Variants in KCNQ1 observed in about 807,000 individuals in gnomAD.
KCNQ1 encodes potassium voltage-gated channel subfamily KQT member 1.
Under a neutral mutation model 72.4 loss-of-function variants are expected in KCNQ1, and 49 were observed. That is an observed-to-expected ratio of 0.68 (90% CI 0.54 to 0.86). The LOEUF (loss-of-function observed/expected upper bound fraction) is 0.86. Ranked by LOEUF, KCNQ1 falls within the 40% of genes least tolerant of loss-of-function variation. The pLI is 0.00. For missense variants in KCNQ1, 790 were observed against 945.1 expected, an observed-to-expected ratio of 0.84 and a Z score of 2.15; for synonymous variants, 450 against 412.6, an observed-to-expected ratio of 1.09 and a Z score of -1.10.
chr11:2,737,178 G>A (rs571308891), intron 11 of KCNQ1, among the ~76,000 whole-genome samples: 2 of 152,218 alleles, frequency 1.3e-5, no homozygotes, highest in South Asian at 2.1e-4. Context: ...AATTCTGGGG[G>A]GAGTGTATTC....
chr11:2,823,151 C>T (rs1847772302), intron 15 of KCNQ1, among the ~76,000 whole-genome samples: 1 of 152,066 alleles, frequency 6.6e-6, no homozygotes, highest in Non-Finnish European at 1.5e-5. Flanking sequence ...TGTCATCATG[C>T]CCTTCAGGAA....
intron 11 of KCNQ1, chr11:2,694,242 GC>G (rs1850635863): frequency 7.5e-6 from 3 of 398,596 alleles, no homozygotes; most frequent in Non-Finnish European, 1.3e-5. Flanking sequence ...CAGGATGCAA[GC>G]CAGGGCCTGC....
At chr11:2,590,730 A>C (rs1848660619) in intron 10 of KCNQ1, among the ~76,000 whole-genome samples, 1 of 151,772 alleles carries the variant, frequency 6.6e-6, no homozygotes, top group Non-Finnish European at 1.5e-5. Context: ...AGGAGGCTTG[A>C]CCCCACCCTG....
chr11:2,733,200 TCCCACC>T (rs1329529196), intron 11 of KCNQ1, among the ~76,000 whole-genome samples: 1 of 92,226 alleles, frequency 1.1e-5, no homozygotes, highest in Non-Finnish European at 2.2e-5. Flanking sequence ...TGAGATCCAC[TCCCACC>T]CCCACCCCCA....
intron 14 of KCNQ1, among the ~76,000 whole-genome samples, chr11:2,777,348 G>T (rs1846726415): frequency 6.6e-6 from 1 of 151,966 alleles, no homozygotes; most frequent in South Asian, 2.1e-4. Flanking sequence ...TGATCCTGGG[G>T]TGGGGTTTGG....
intron 15 of KCNQ1, among the ~76,000 whole-genome samples, chr11:2,780,978 T>G (rs1846813278): frequency 6.6e-6 from 1 of 152,066 alleles, no homozygotes; most frequent in African/African-American, 2.4e-5. Context: ...CCTGGTGGCT[T>G]AGGTTCTGCC....
intron 2 of KCNQ1, among the ~76,000 whole-genome samples, chr11:2,552,776 C>G (rs1050138369): frequency 1.3e-5 from 2 of 152,022 alleles, no homozygotes; most frequent in African/African-American, 4.8e-5. Context: ...CCCAGTGCCT[C>G]ATGCACGTCT....
In KCNQ1 at chr11:2,783,356, T is replaced by A. The variant is rs1846856595; in HGVS notation, c.1794+5319T>A. ...CTTTAGAATGTTTTGAAATATGATT[T>A]ACGGCAAAAATGTGGTCAATTTTTG... is the stretch of plus-strand genomic sequence containing the variant. On this transcript the variant is annotated intron_variant, in intron 15 of 15. Coordinates refer to ENST00000155840, the MANE Select transcript of KCNQ1 (RefSeq NM_000218.3). This position sits in a 1 kb window ranked among gnomAD's most constrained non-coding sequence, Gnocchi z 5.2. Among the ~76,000 whole-genome samples, 1 of 152,132 alleles carries A rather than the reference T, an allele frequency of 6.6e-6. No individual in the cohort carries two copies. The highest frequency in any genetic ancestry group is 2.1e-4 in the South Asian group (1 of 4,828).
At chr11:2,793,465 AAAT>A (rs1349070517) in intron 15 of KCNQ1, among the ~76,000 whole-genome samples, 4 of 106,100 alleles carry the variant, frequency 3.8e-5, no homozygotes, top group African/African-American at 1.2e-4. Context: ...ATGAAAATAA[AAAT>A]AAAAAATTAG....
At chr11:2,788,494 C>T (rs1400731503) in intron 15 of KCNQ1, among the ~76,000 whole-genome samples, 1 of 152,228 alleles carries the variant, frequency 6.6e-6, no homozygotes, top group Middle Eastern at 3.4e-3. Flanking sequence ...GCCTGGACTG[C>T]CCTGGCAGCC....
In KCNQ1 at chr11:2,727,482, C is replaced by G. The variant is rs533459094; in HGVS notation, c.1515-41362C>G. On this transcript the variant is annotated intron_variant, in intron 11 of 15. Coordinates refer to ENST00000155840, the MANE Select transcript of KCNQ1 (RefSeq NM_000218.3). ...CCTGGGGGAAATCCTACCCCAGACT[C>G]GAGGAATAAAGAGGAGGAGGAGGTT... Among the ~76,000 whole-genome samples the G allele has an allele frequency of 3.0e-3, 450 of 152,214 alleles. 3 individuals are homozygous for G. The highest frequency in any genetic ancestry group is 0.01 in the African/African-American group (434 of 41,532).
intron 11 of KCNQ1, among the ~76,000 whole-genome samples, chr11:2,739,866 T>C (rs1467640058): frequency 1.3e-5 from 2 of 152,194 alleles, no homozygotes; most frequent in African/African-American, 4.8e-5. Flanking sequence ...AGCAGTGTCC[T>C]AAGGGAGGCC....
In KCNQ1 at chr11:2,478,453, A is replaced by C. The variant is rs1846605590; in HGVS notation, c.386+32969A>C. ...GGCCTCACAATCACAGCAGAAGATGAAGGAAGAACAAAGGAACATCTTACA... is the reference window on the plus strand; with the variant it reads ...GGCCTCACAATCACAGCAGAAGATGCAGGAAGAACAAAGGAACATCTTACA... On this transcript the variant is annotated intron_variant, in intron 1 of 15. Coordinates refer to ENST00000155840, the MANE Select transcript of KCNQ1 (RefSeq NM_000218.3). This position sits in a 1 kb window ranked among gnomAD's most constrained non-coding sequence, Gnocchi z 4.0. 6.6e-6 allele frequency among the ~76,000 whole-genome samples: 1 copy of C among 152,154 alleles called. No individual in the cohort carries two copies. Among genetic ancestry groups the C allele is most frequent in the Admixed American group, 6.5e-5 (1 of 15,274 alleles).
chr11:2,814,264 AGGATGGATGGATGGTGGGATGGAT>A (rs1432872745), intron 15 of KCNQ1, among the ~76,000 whole-genome samples: 72 of 150,434 alleles, frequency 4.8e-4, no homozygotes, highest in African/African-American at 1.7e-3. Context: ...GGCTGAATAA[AGGATGGATGGATGGTGGGATGGAT>A]GGATGGATGG....
chr11:2,813,646 G>A lies in KCNQ1; in HGVS notation c.1795-34121G>A, dbSNP rs1847539734. 6.6e-6 allele frequency among the ~76,000 whole-genome samples: 1 copy of A among 152,100 alleles called. No individual in the cohort carries two copies. Among genetic ancestry groups the A allele is most frequent in the Non-Finnish European group, 1.5e-5 (1 of 68,026 alleles). On this transcript the variant is annotated intron_variant, in intron 15 of 15. Coordinates refer to ENST00000155840, the MANE Select transcript of KCNQ1 (RefSeq NM_000218.3). The surrounding 1 kb of genome is among the most constrained non-coding windows in gnomAD (Gnocchi z 4.4). The stretch of plus-strand genomic sequence containing the variant: ...AGAGGGGAGGACCAACATCTCGGCT[G>A]ATCCTGGTCTATTTTTAGTCGGTGG...
Position 2,683,644 on chromosome 11 carries a change from G to T in KCNQ1, c.1514+21563G>T. The T allele has an allele frequency of 2.5e-6, 1 of 398,624 alleles. No individual in the cohort carries two copies. Among genetic ancestry groups the T allele is most frequent in the South Asian group, 1.3e-4 (1 of 7,856 alleles). The allele number at this position is 398,624 out of a possible 1,614,324, so 24.7% of individuals were successfully genotyped here. The stretch of plus-strand genomic sequence containing the variant: ...CAACTGGGCCCTGCATCTGCTGCAA[G>T]GAACATCCCTTACTTTCCCATCTCA... On this transcript the variant is annotated intron_variant, in intron 11 of 15. Coordinates refer to ENST00000155840, the MANE Select transcript of KCNQ1 (RefSeq NM_000218.3). The surrounding 1 kb of genome is among the most constrained non-coding windows in gnomAD (Gnocchi z 4.7).
intron 10 of KCNQ1, chr11:2,622,370 C>G: frequency 5.0e-6 from 2 of 398,246 alleles, no homozygotes; most frequent in Non-Finnish European, 8.9e-6. Flanking sequence ...TTACCTCCAG[C>G]TTTCTTTAGG....
In KCNQ1 at chr11:2,673,620, C is replaced by T. The variant is rs1850229538; in HGVS notation, c.1514+11539C>T. Reference sequence around the variant, plus strand: ...AAGCTAAACGTGACCAGCCTACCCACCTTGCTACTGCTGATGACCACCCTG... The same window carrying T: ...AAGCTAAACGTGACCAGCCTACCCATCTTGCTACTGCTGATGACCACCCTG... On this transcript the variant is annotated intron_variant, in intron 11 of 15. Transcript: ENST00000155840. This position sits in a 1 kb window ranked among gnomAD's most constrained non-coding sequence, Gnocchi z 4.5. 2.0e-5 allele frequency: 8 copies of T among 398,774 alleles called. No homozygotes were observed. Among genetic ancestry groups the T allele is most frequent in the Non-Finnish European group, 3.1e-5 (7 of 226,148 alleles). 24.7% of individuals were successfully genotyped at this position (398,774 alleles called of 1,614,324 possible). A position where few individuals can be genotyped will look rare whatever the true frequency, so the allele number is the denominator to read the frequency against.
At chr11:2,641,982 G>A in intron 10 of KCNQ1, 1 of 398,274 alleles carries the variant, frequency 2.5e-6, no homozygotes, top group East Asian at 3.6e-5. Flanking sequence ...CTGTTCCATT[G>A]GTCTATCAGT....
Sources: allele counts gnomAD v4.1 joint callset (sites outside exome capture counted in the v4.1 genomes callset), GRCh38; gene constraint gnomAD v4.1.1; non-coding constraint Gnocchi (gnomAD v3.1); transcripts MANE v1.5; gene names NCBI Gene and HGNC (gene_info 2026-07-23, HGNC 2026-07-21).